HRH2: variants seen among roughly 807,000 people sequenced by gnomAD.
HRH2 encodes the protein histamine H2 receptor.
Under a neutral mutation model 20.1 loss-of-function variants are expected in HRH2, and 4 were observed. The observed-to-expected ratio is 0.20, with a 90% CI of 0.10 to 0.45. The LOEUF (loss-of-function observed/expected upper bound fraction) is 0.45, where lower values mean the gene tolerates loss of function less well. Among genes scored for constraint, HRH2 ranks in the 20% least tolerant of loss-of-function variants. The pLI is 0.99. For synonymous variants in HRH2, 197 were observed against 200.7 expected (o/e 0.98, Z 0.16); for missense variants, 250 against 461.6 (o/e 0.54, Z 4.20).
At position 175,666,096 on chromosome 5, in the gene HRH2, C is replaced by G. The variant is rs945493495; in HGVS notation, c.-526+7941C>G. On this transcript the variant is annotated intron_variant, in intron 1 of 2. Coordinates refer to ENST00000636584, the MANE Select transcript of HRH2 (RefSeq NM_001367711.1). ...CATCCAGCTGGGCACTGCACCCCCA[C>G]TGTGGGTGCAGCCTGCCACATTTCA... Among the ~76,000 whole-genome samples, 42 of 152,140 alleles carry G rather than the reference C, an allele frequency of 2.8e-4. 1 individual carries two copies. The highest frequency in any genetic ancestry group is 2.7e-3 in the Admixed American group (42 of 15,280).
rs1011038377 is a variant in HRH2, at chr5:175,710,556, C to T, written c.*2585C>T. On this transcript the variant is annotated 3_prime_UTR_variant, in exon 3 of 3. Transcript: ENST00000636584. ...GACTCAGCTGGTCAGAGCTCTGGCC[C>T]GAGGGGCCCACGCACCACCCGCCAC... is the stretch of plus-strand genomic sequence containing the variant. 2.6e-5 allele frequency: 4 copies of T among 152,230 alleles called. No homozygotes were observed. The highest frequency in any genetic ancestry group is 6.5e-5 in the Admixed American group (1 of 15,276). The allele number at this position is 152,230 out of a possible 1,614,324, so 9.4% of individuals were successfully genotyped here.
chr5:175,676,118 C>T (rs1000044005), intron 1 of HRH2, among the ~76,000 whole-genome samples: 3 of 152,250 alleles, frequency 2.0e-5, no homozygotes, highest in Admixed American at 6.5e-5. Context: ...CGTTCTGTCA[C>T]GTGCACGTTT....
intron 1 of HRH2, among the ~76,000 whole-genome samples, chr5:175,661,961 G>A (rs777775843): frequency 7.2e-5 from 11 of 152,174 alleles, no homozygotes; most frequent in Non-Finnish European, 1.5e-4. Flanking sequence ...GGCGGAGGTT[G>A]CAGTGAGCCA....
intron 1 of HRH2, among the ~76,000 whole-genome samples, chr5:175,679,053 G>A (rs1479987732): frequency 6.6e-6 from 1 of 152,134 alleles, no homozygotes; most frequent in Non-Finnish European, 1.5e-5. Context: ...GGGAGGCTGT[G>A]GCATCAGGCA....
At chr5:175,680,709 G>A (rs1188320561) in intron 1 of HRH2, among the ~76,000 whole-genome samples, 4 of 152,204 alleles carry the variant, frequency 2.6e-5, no homozygotes, top group African/African-American at 9.7e-5. Context: ...AGGAGAGGAT[G>A]GGAGGGAGAG....
At chr5:175,692,701 G>C (rs181889466) in intron 2 of HRH2, among the ~76,000 whole-genome samples, 14 of 152,318 alleles carry the variant, frequency 9.2e-5, no homozygotes, top group African/African-American at 3.1e-4. Flanking sequence ...TTGTTCCAGG[G>C]GGGTCCTGAC....
At position 175,683,067 on chromosome 5, in the gene HRH2, T is replaced by C. The variant is rs1262055056; in HGVS notation, c.-167T>C. ...TAGAAAAGCAGCCCAGAGTCAGTCA[T>C]TGAAGCCTTCCCCACCCCCTGGCCA... On this transcript the variant is annotated 5_prime_UTR_variant, in exon 2 of 3. Transcript: ENST00000636584. The C allele has an allele frequency of 2.2e-5, 18 of 803,884 alleles. No individual in the cohort carries two copies. Among genetic ancestry groups the C allele is most frequent in the Non-Finnish European group, 2.5e-5 (13 of 513,324 alleles). The allele number at this position is 803,884 out of a possible 1,614,324, so 49.8% of individuals were successfully genotyped here.
chr5:175,683,050 C>T lies in HRH2; in HGVS notation c.-184C>T. On this transcript the variant is annotated 5_prime_UTR_variant, in exon 2 of 3. Transcript: ENST00000636584. The stretch of plus-strand genomic sequence containing the variant: ...GTTGCTTAATTTATTTCTAGAAAAG[C>T]AGCCCAGAGTCAGTCATTGAAGCCT... 3.0e-6 allele frequency: 2 copies of T among 665,532 alleles called. No homozygotes were observed. Among genetic ancestry groups the T allele is most frequent in the South Asian group, 2.0e-5 (1 of 49,822 alleles). 41.2% of individuals were successfully genotyped at this position (665,532 alleles called of 1,614,324 possible).
At chr5:175,707,629 G>A (rs1298924217) in intron 2 of HRH2, 150 bp from the exon 3 acceptor site, 1 of 397,210 alleles carries the variant, frequency 2.5e-6, no homozygotes. Flanking sequence ...GCTGCTCTGG[G>A]TGGCAAAGGG....
At chr5:175,700,290 A>G (rs1233050757) in intron 2 of HRH2, among the ~76,000 whole-genome samples, 1 of 152,254 alleles carries the variant, frequency 6.6e-6, no homozygotes, top group Non-Finnish European at 1.5e-5. Context: ...TACCGGAGAC[A>G]GCCGGGGAGA....
chr5:175,696,847 A>G (rs1756605111), intron 2 of HRH2, among the ~76,000 whole-genome samples: 1 of 152,184 alleles, frequency 6.6e-6, no homozygotes, highest in African/African-American at 2.4e-5. Context: ...GGTTGGGGTG[A>G]GAAGGAACTG....
intron 2 of HRH2, among the ~76,000 whole-genome samples, chr5:175,690,714 C>T (rs1318061775): frequency 2.0e-5 from 3 of 151,942 alleles, no homozygotes; most frequent in African/African-American, 7.3e-5. Context: ...CATTTCATCG[C>T]CCCCCAAAAG....
chr5:175,693,178 G>A lies in HRH2; in HGVS notation c.1076+8869G>A, dbSNP rs530583517. Among the ~76,000 whole-genome samples the A allele has an allele frequency of 4.6e-5, 7 of 152,372 alleles. No individual in the cohort carries two copies. The South Asian group carries it at 1.4e-3, about 32-fold the overall frequency. ...TCCCTGTCCCTGAAGCAGCAGTGGT[G>A]AGTCACAGGGCTCCCTGTTTTGGGG... is the stretch of plus-strand genomic sequence containing the variant. On this transcript the variant is annotated intron_variant, in intron 2 of 2. Transcript: ENST00000636584. The surrounding 1 kb of genome is among the most constrained non-coding windows in gnomAD (Gnocchi z 4.4).
intron 2 of HRH2, among the ~76,000 whole-genome samples, chr5:175,690,848 C>G (rs536178829): frequency 7.9e-5 from 12 of 152,346 alleles, no homozygotes; most frequent in African/African-American, 2.9e-4. Flanking sequence ...TTTCATGGAA[C>G]AGGTGCTCTT....
intron 2 of HRH2, among the ~76,000 whole-genome samples, chr5:175,702,251 G>A (rs948910281): frequency 6.6e-6 from 1 of 151,768 alleles, no homozygotes; most frequent in Non-Finnish European, 1.5e-5. Context: ...CTTAAAACAA[G>A]AAAAGAGGAG....
chr5:175,701,653 A>G (rs1756790444), intron 2 of HRH2, among the ~76,000 whole-genome samples: 1 of 152,128 alleles, frequency 6.6e-6, no homozygotes, highest in African/African-American at 2.4e-5. Context: ...CTATCCCTCA[A>G]CCAACTGTCA....
chr5:175,699,629 AGTGGC>A (rs1218812371), intron 2 of HRH2, among the ~76,000 whole-genome samples: 2 of 152,180 alleles, frequency 1.3e-5, no homozygotes, highest in African/African-American at 4.8e-5. Context: ...GCTGGAGTGC[AGTGGC>A]GTGACCTCGG....
rs2113569604 is a variant in HRH2, at chr5:175,707,769, G to A, written c.1077-10G>A. The A allele has an allele frequency of 2.5e-6, 1 of 396,506 alleles. No individual in the cohort carries two copies. Among genetic ancestry groups the A allele is most frequent in the Non-Finnish European group, 4.4e-6 (1 of 224,946 alleles). 24.6% of individuals were successfully genotyped at this position (396,506 alleles called of 1,614,324 possible). ...CCACCTCAGCCTGGCATGTGCTTGT[G>A]TCTCCTCAGGAAGCCAGCACTGTCC... On this transcript the variant is annotated splice_polypyrimidine_tract_variant and intron_variant, in intron 2 of 2. Transcript: ENST00000636584.
chr5:175,695,058 A>G (rs2113543744), intron 2 of HRH2, among the ~76,000 whole-genome samples: 1 of 152,114 alleles, frequency 6.6e-6, no homozygotes, highest in African/African-American at 2.4e-5. Flanking sequence ...CGTGCCGATG[A>G]CACAGACAAG....
Sources: gnomAD v4.1 joint callset for allele counts (sites outside exome capture counted in the v4.1 genomes callset) on GRCh38, gnomAD v4.1.1 for gene constraint, Gnocchi (gnomAD v3.1) non-coding constraint, MANE v1.5 for transcripts, NCBI Gene and HGNC (gene_info 2026-07-23, HGNC 2026-07-21) for gene names.